CADPS2: variants seen among roughly 807,000 people sequenced by gnomAD.
The protein encoded by CADPS2 is calcium-dependent secretion activator 2.
Under a neutral mutation model 172.5 loss-of-function variants are expected in CADPS2, and 93 were observed. The ratio of observed to expected loss-of-function variants is 0.54; its 90% CI spans 0.46 to 0.64. The LOEUF (loss-of-function observed/expected upper bound fraction) is 0.64, where lower values mean the gene tolerates loss of function less well. Ranked by LOEUF, CADPS2 falls within the 30% of genes least tolerant of loss-of-function variation. The probability of loss-of-function intolerance (pLI) is 0.00; values close to 1 mark genes in which losing one functional copy is unlikely to be tolerated. For missense variants in CADPS2, 1,420 were observed against 1,565.9 expected (o/e 0.91, Z 1.57); for synonymous variants, 546 against 555.2 (o/e 0.98, Z 0.23).
At chr7:122,593,601 C>T (rs922765370) in intron 6 of CADPS2, among the ~76,000 whole-genome samples, 5 of 152,076 alleles carry the variant, frequency 3.3e-5, no homozygotes, top group African/African-American at 1.2e-4. Flanking sequence ...GTTATTCTTA[C>T]TAGCATCCAT....
intron 29 of CADPS2, among the ~76,000 whole-genome samples, chr7:122,325,157 T>C (rs990905231): frequency 2.6e-5 from 4 of 152,120 alleles, no homozygotes; most frequent in African/African-American, 7.2e-5. Flanking sequence ...AGTAATTGTA[T>C]TATGATAAAA....
chr7:122,649,487 T>C (rs1432092815), intron 3 of CADPS2, among the ~76,000 whole-genome samples: 1 of 152,106 alleles, frequency 6.6e-6, no homozygotes, highest in Admixed American at 6.6e-5. Flanking sequence ...TGCACCAGCA[T>C]TATATGGGAA....
At chr7:122,415,280 C>A (rs2047746877) in intron 18 of CADPS2, among the ~76,000 whole-genome samples, 1 of 152,094 alleles carries the variant, frequency 6.6e-6, no homozygotes, top group East Asian at 1.9e-4. Context: ...CACAAATTTT[C>A]CCCTTCCACG....
chr7:122,708,632 A>T (rs1205723125), intron 2 of CADPS2, among the ~76,000 whole-genome samples: 2 of 150,086 alleles, frequency 1.3e-5, no homozygotes, highest in Non-Finnish European at 3.0e-5. Context: ...ATACAAAGAT[A>T]AATGAGCATT....
In CADPS2 at chr7:122,822,770, C is replaced by A. The variant is rs556699205; in HGVS notation, c.339+63229G>T. ...GTCCTTTTCCTGGCTCATCCTGGCTCAAAAAGCACCCCCACTGAACACCTT... is the reference window on the plus strand; with the variant it reads ...GTCCTTTTCCTGGCTCATCCTGGCTAAAAAAGCACCCCCACTGAACACCTT... On this transcript the variant is annotated intron_variant, in intron 1 of 29. Transcript: ENST00000449022. 2.3e-3 allele frequency among the ~76,000 whole-genome samples: 352 copies of A among 152,090 alleles called. 6 individuals carry two copies. The highest frequency in any genetic ancestry group is 3.8e-3 in the Non-Finnish European group (260 of 67,978).
intron 6 of CADPS2, among the ~76,000 whole-genome samples, chr7:122,594,010 T>C (rs2071333189): frequency 6.6e-6 from 1 of 152,136 alleles, no homozygotes; most frequent in Non-Finnish European, 1.5e-5. Context: ...CAAATTTTAA[T>C]AGAAGAACTA....
chr7:122,363,837 C>A (rs1180324419), intron 25 of CADPS2, among the ~76,000 whole-genome samples: 1 of 152,090 alleles, frequency 6.6e-6, no homozygotes, highest in African/African-American at 2.4e-5. Context: ...ATGGGGGCTG[C>A]CTTAGAATTA....
At chr7:122,696,220 CCT>C (rs2085064799) in intron 2 of CADPS2, among the ~76,000 whole-genome samples, 1 of 152,128 alleles carries the variant, frequency 6.6e-6, no homozygotes, top group African/African-American at 2.4e-5. Flanking sequence ...TCCTCAGTGT[CCT>C]CTCTCTTCAG....
intron 26 of CADPS2, 21 bp downstream of exon 26, chr7:122,360,909 A>G (rs779109990): frequency 5.0e-6 from 8 of 1,610,472 alleles, no homozygotes; most frequent in Non-Finnish European, 5.9e-6. Context: ...ACCACAGAAG[A>G]GAACTCATTC....
chr7:122,709,451 T>A (rs545338798), intron 2 of CADPS2, among the ~76,000 whole-genome samples: 1 of 152,070 alleles, frequency 6.6e-6, no homozygotes, highest in East Asian at 1.9e-4. Flanking sequence ...ACTTTTACAC[T>A]GTTGGTGGGA....
intron 3 of CADPS2, among the ~76,000 whole-genome samples, chr7:122,646,981 G>A (rs2078632682): frequency 6.6e-6 from 1 of 152,018 alleles, no homozygotes; most frequent in African/African-American, 2.4e-5. Context: ...AAAAGGAAGG[G>A]CTTGTGATTA....
chr7:122,448,501 A>C (rs954345588), intron 15 of CADPS2, among the ~76,000 whole-genome samples: 1 of 152,230 alleles, frequency 6.6e-6, no homozygotes, highest in East Asian at 1.9e-4. Context: ...TATAAGAGAA[A>C]TAGAGAAACA....
In CADPS2 at chr7:122,760,633, TA is replaced by T. The variant is rs563808060; in HGVS notation, c.340-23566del. On this transcript the variant is annotated intron_variant, in intron 1 of 29. Transcript: ENST00000449022. ...TACACCATGGAATACTATGCAGCCA[TA>T]AAAAATGATGAGTTCATGTCCTTTG... is the stretch of plus-strand genomic sequence containing the variant. 6.4e-3 allele frequency among the ~76,000 whole-genome samples: 965 copies of T among 151,844 alleles called. 11 individuals carry two copies. The highest frequency in any genetic ancestry group is 0.022 in the African/African-American group (922 of 41,380).
chr7:122,452,941 A>C (rs1206961259), intron 14 of CADPS2, among the ~76,000 whole-genome samples: 1 of 152,186 alleles, frequency 6.6e-6, no homozygotes, highest in Non-Finnish European at 1.5e-5. Flanking sequence ...AATTAGGATG[A>C]AAGCAATTAA....
intron 27 of CADPS2, among the ~76,000 whole-genome samples, chr7:122,346,510 G>A (rs1329708523): frequency 2.0e-5 from 3 of 152,024 alleles, no homozygotes; most frequent in African/African-American, 7.2e-5. Flanking sequence ...GAAGATATTG[G>A]GGAAAATATT....
intron 1 of CADPS2, among the ~76,000 whole-genome samples, chr7:122,831,556 G>C (rs1337534298): frequency 2.0e-5 from 3 of 152,186 alleles, no homozygotes; most frequent in Non-Finnish European, 4.4e-5. Context: ...CCTGGAGGAG[G>C]GAAAGAATTG....
chr7:122,329,970 G>A (rs2034633778), intron 28 of CADPS2, among the ~76,000 whole-genome samples: 1 of 152,156 alleles, frequency 6.6e-6, no homozygotes. Context: ...CTACTTAAGT[G>A]TTTAGCTTTT....
At chr7:122,459,980 AATG>A (rs1286006723) in intron 14 of CADPS2, among the ~76,000 whole-genome samples, 3 of 152,218 alleles carry the variant, frequency 2.0e-5, no homozygotes, top group Non-Finnish European at 1.5e-5. Context: ...TCAGTTTGGA[AATG>A]ATATTTAACC....
At chr7:122,802,183 A>T (rs550817736) in intron 1 of CADPS2, among the ~76,000 whole-genome samples, 2 of 152,322 alleles carry the variant, frequency 1.3e-5, no homozygotes, top group Non-Finnish European at 2.9e-5. Flanking sequence ...AGGACTCTAT[A>T]CTGTAAATGT....
Sources: allele counts gnomAD v4.1 joint callset (sites outside exome capture counted in the v4.1 genomes callset), GRCh38; gene constraint gnomAD v4.1.1; transcripts MANE v1.5; gene names NCBI Gene and HGNC (gene_info 2026-07-23, HGNC 2026-07-21).